The following ROR1 variants were observed in gnomAD, a reference collection of about 807,000 sequenced individuals.
The protein encoded by ROR1 is inactive tyrosine-protein kinase transmembrane receptor ROR1.
In ROR1, 19 loss-of-function variants were observed where a neutral mutation model predicts 78.8. The observed-to-expected ratio is 0.24, with a 90% CI of 0.17 to 0.35. The LOEUF is 0.35. Ranked by LOEUF, ROR1 falls within the 10% of genes least tolerant of loss-of-function variation. The probability of loss-of-function intolerance (pLI) is 1.00; values close to 1 mark genes in which losing one functional copy is unlikely to be tolerated. For missense variants in ROR1, 917 were observed against 1,177.8 expected, an observed-to-expected ratio of 0.78 and a Z score of 3.24; for synonymous variants, 386 against 433.6, an observed-to-expected ratio of 0.89 and a Z score of 1.36.
chr1:63,795,251 T>A (rs1644753248), intron 1 of ROR1, among the ~76,000 whole-genome samples: 2 of 152,188 alleles, frequency 1.3e-5, no homozygotes, highest in African/African-American at 4.8e-5. Flanking sequence ...AGGTTCCCTC[T>A]TGCAAGGGGA....
intron 1 of ROR1, chr1:63,843,613 GC>G: frequency 1.5e-6 from 1 of 649,290 alleles, no homozygotes; most frequent in East Asian, 4.0e-5. Context: ...ACCTCCTCTG[GC>G]ATTGAAGACT....
chr1:63,787,000 C>T (rs1269028465), intron 1 of ROR1, among the ~76,000 whole-genome samples: 1 of 152,168 alleles, frequency 6.6e-6, no homozygotes, highest in Non-Finnish European at 1.5e-5. Context: ...CTGATACACC[C>T]CAAACGGTAT....
At chr1:63,846,753 G>T (rs1357262581) in intron 1 of ROR1, among the ~76,000 whole-genome samples, 1 of 152,200 alleles carries the variant, frequency 6.6e-6, no homozygotes, top group Non-Finnish European at 1.5e-5. Flanking sequence ...AGTTATAAAT[G>T]CCAAACCTTC....
chr1:63,829,708 A>G (rs181512558), intron 1 of ROR1, among the ~76,000 whole-genome samples: 23 of 152,326 alleles, frequency 1.5e-4, no homozygotes, highest in African/African-American at 5.3e-4. Flanking sequence ...GGCTCGTGAT[A>G]TAGTCTGGGG....
intron 1 of ROR1, among the ~76,000 whole-genome samples, chr1:63,916,286 C>G (rs1003283601): frequency 6.6e-6 from 1 of 152,186 alleles, no homozygotes; most frequent in African/African-American, 2.4e-5. Context: ...TTCATCGGGC[C>G]AGGCGCCTTC....
chr1:63,854,687 T>C (rs1385880611), intron 1 of ROR1, among the ~76,000 whole-genome samples: 1 of 152,214 alleles, frequency 6.6e-6, no homozygotes, highest in African/African-American at 2.4e-5. Flanking sequence ...GCTTAGATAG[T>C]ATCTGGCACA....
intron 1 of ROR1, among the ~76,000 whole-genome samples, chr1:63,886,057 A>G (rs1188052996): frequency 1.3e-5 from 2 of 152,184 alleles, no homozygotes; most frequent in Non-Finnish European, 2.9e-5. Context: ...ATCATCAGAC[A>G]TTAGATTCTC....
chr1:64,152,581 A>T (rs1428605224), intron 7 of ROR1, among the ~76,000 whole-genome samples: 1 of 152,206 alleles, frequency 6.6e-6, no homozygotes, highest in Non-Finnish European at 1.5e-5. Flanking sequence ...GGGTTTGGTT[A>T]CATCAACAAT....
At chr1:64,141,513 G>A (rs1649312373) in intron 6 of ROR1, among the ~76,000 whole-genome samples, 1 of 152,152 alleles carries the variant, frequency 6.6e-6, no homozygotes, top group East Asian at 1.9e-4. Flanking sequence ...TCCAACCCTG[G>A]GGATTGCAAT....
intron 4 of ROR1, among the ~76,000 whole-genome samples, chr1:64,098,701 T>C (rs1021984401): frequency 8.2e-4 from 124 of 152,144 alleles, no homozygotes; most frequent in African/African-American, 2.9e-3. Flanking sequence ...CCAGAGGGGA[T>C]TACTGTTCCC....
At chr1:63,974,649 G>A (rs1160028147) in intron 1 of ROR1, among the ~76,000 whole-genome samples, 1 of 150,380 alleles carries the variant, frequency 6.6e-6, no homozygotes, top group African/African-American at 2.4e-5. Context: ...CTTTTTTATT[G>A]TTTTTAGAGA....
chr1:63,843,984 A>C (rs2100319412), intron 1 of ROR1, among the ~76,000 whole-genome samples: 1 of 152,308 alleles, frequency 6.6e-6, no homozygotes, highest in South Asian at 2.1e-4. Flanking sequence ...CAAGCTCCTT[A>C]GCATGACACC....
chr1:64,042,948 T>C (rs1646756083), intron 2 of ROR1, among the ~76,000 whole-genome samples: 1 of 152,206 alleles, frequency 6.6e-6, no homozygotes, highest in Admixed American at 6.5e-5. Context: ...TCATTTCATG[T>C]TGGGAACCTC....
chr1:64,033,881 G>A (rs1429869055), intron 2 of ROR1, among the ~76,000 whole-genome samples: 1 of 152,194 alleles, frequency 6.6e-6, no homozygotes, highest in Admixed American at 6.5e-5. Flanking sequence ...TTGGAGATGT[G>A]AAATAATTTG....
At chr1:64,056,311 A>G (rs1007825607) in intron 4 of ROR1, among the ~76,000 whole-genome samples, 9 of 152,048 alleles carry the variant, frequency 5.9e-5, no homozygotes, top group Non-Finnish European at 1.2e-4. Context: ...ATGGGTTCCA[A>G]TTTCTCCACA....
At chr1:63,935,996 G>C (rs1293837573) in intron 1 of ROR1, among the ~76,000 whole-genome samples, 1 of 152,198 alleles carries the variant, frequency 6.6e-6, no homozygotes, top group Non-Finnish European at 1.5e-5. Context: ...GATGTTGCTG[G>C]CATTTCTGAG....
chr1:64,091,056 A>G (rs966668414), intron 4 of ROR1, among the ~76,000 whole-genome samples: 1 of 152,204 alleles, frequency 6.6e-6, no homozygotes, highest in African/African-American at 2.4e-5. Context: ...GTAGATGGTT[A>G]GAGGCAGCTA....
At chr1:63,779,547 C>T (rs1215529935) in intron 1 of ROR1, among the ~76,000 whole-genome samples, 2 of 152,084 alleles carry the variant, frequency 1.3e-5, no homozygotes, top group East Asian at 1.9e-4. Flanking sequence ...GGCAACTCTT[C>T]GAAAATCCTT....
At chr1:64,165,411 G>A (rs1650058073) in intron 8 of ROR1, among the ~76,000 whole-genome samples, 1 of 152,032 alleles carries the variant, frequency 6.6e-6, no homozygotes, top group African/African-American at 2.4e-5. Flanking sequence ...GTCTGTTCAT[G>A]TCCTTTTTAT....
Sources: gnomAD v4.1 joint callset for allele counts (sites outside exome capture counted in the v4.1 genomes callset) on GRCh38, gnomAD v4.1.1 for gene constraint, MANE v1.5 for transcripts, NCBI Gene and HGNC (gene_info 2026-07-23, HGNC 2026-07-21) for gene names.